Variants in BTBD9 observed in about 807,000 individuals in gnomAD.
BTBD9 encodes BTB/POZ domain-containing protein 9.
In BTBD9, 49 loss-of-function variants were observed where a neutral mutation model predicts 64.3. The observed-to-expected ratio is 0.76, with a 90% CI of 0.61 to 0.97. BTBD9 has a LOEUF of 0.97. Among genes scored for constraint, BTBD9 ranks in the 50% least tolerant of loss-of-function variants. BTBD9 has a pLI of 0.00. For synonymous variants in BTBD9, 260 were observed against 274.7 expected (o/e 0.95, Z 0.53); for missense variants, 598 against 762.1 (o/e 0.78, Z 2.53).
intron 7 of BTBD9, among the ~76,000 whole-genome samples, chr6:38,290,311 C>T (rs186379705): frequency 3.1e-4 from 47 of 151,128 alleles, no homozygotes; most frequent in African/African-American, 1.1e-3. Flanking sequence ...GAGAGAAGCT[C>T]CCTGTGACTT....
intron 6 of BTBD9, among the ~76,000 whole-genome samples, chr6:38,538,996 G>C (rs1774149347): frequency 6.6e-6 from 1 of 151,926 alleles, no homozygotes; most frequent in South Asian, 2.1e-4. Context: ...TTTGAGACAG[G>C]GTCTTGCCCA....
chr6:38,425,220 C>T (rs1226172346), intron 6 of BTBD9, among the ~76,000 whole-genome samples: 1 of 151,588 alleles, frequency 6.6e-6, no homozygotes, highest in Non-Finnish European at 1.5e-5. Context: ...ATTCTCCTGC[C>T]TCAGCCTCCT....
At chr6:38,491,713 C>T (rs1771710177) in intron 6 of BTBD9, among the ~76,000 whole-genome samples, 1 of 151,970 alleles carries the variant, frequency 6.6e-6, no homozygotes. Flanking sequence ...ATCTCATTCT[C>T]AAATGAGAAG....
At chr6:38,586,929 G>T (rs9369069) in intron 4 of BTBD9, among the ~76,000 whole-genome samples, 9,084 of 151,992 alleles carry the variant, frequency 0.06, 640 homozygotes, top group East Asian at 0.23. Context: ...CAGGCGTGGT[G>T]GTGGGCACCT....
intron 6 of BTBD9, among the ~76,000 whole-genome samples, chr6:38,506,732 C>T (rs553586404): frequency 6.6e-6 from 1 of 152,294 alleles, no homozygotes; most frequent in African/African-American, 2.4e-5. Flanking sequence ...TGACCCACCT[C>T]CATTTATAAT....
At chr6:38,332,692 A>G (rs540405093) in intron 7 of BTBD9, among the ~76,000 whole-genome samples, 2 of 152,318 alleles carry the variant, frequency 1.3e-5, no homozygotes, top group East Asian at 3.9e-4. Flanking sequence ...ACTGAGCAAA[A>G]TATTAAAAAA....
intron 7 of BTBD9, among the ~76,000 whole-genome samples, chr6:38,307,208 G>A (rs1762658278): frequency 6.6e-6 from 1 of 151,954 alleles, no homozygotes; most frequent in Admixed American, 6.6e-5. Flanking sequence ...TATTCAAGAG[G>A]AAAAAATATC....
chr6:38,363,574 G>C (rs541001157), intron 6 of BTBD9, among the ~76,000 whole-genome samples: 1 of 152,282 alleles, frequency 6.6e-6, no homozygotes, highest in Non-Finnish European at 1.5e-5. Context: ...CAAAGACCCT[G>C]TCTCAAGAAA....
intron 8 of BTBD9, 42 bp downstream of exon 8, chr6:38,288,230 T>C: frequency 6.4e-7 from 1 of 1,558,856 alleles, no homozygotes. Flanking sequence ...TATATGTGTA[T>C]CTTCCATTTT....
At chr6:38,632,530 G>A (rs925387093) in intron 1 of BTBD9, among the ~76,000 whole-genome samples, 4 of 152,134 alleles carry the variant, frequency 2.6e-5, no homozygotes, top group Non-Finnish European at 4.4e-5. Flanking sequence ...AAGTTTTAAG[G>A]GATTTTTTAA....
At chr6:38,476,051 T>C (rs1300422323) in intron 6 of BTBD9, among the ~76,000 whole-genome samples, 4 of 152,200 alleles carry the variant, frequency 2.6e-5, no homozygotes, top group East Asian at 1.9e-4. Context: ...GAATGTCCAT[T>C]TGGCAGGCTG....
intron 2 of BTBD9, among the ~76,000 whole-genome samples, chr6:38,596,796 G>A (rs1404172489): frequency 9.6e-4 from 125 of 129,868 alleles, no homozygotes; most frequent in African/African-American, 3.6e-3. Flanking sequence ...GTGAGACTCC[G>A]TCTCAAAAAA....
chr6:38,454,469 T>C (rs1232557166), intron 6 of BTBD9, among the ~76,000 whole-genome samples: 1 of 143,798 alleles, frequency 7.0e-6, no homozygotes, highest in Non-Finnish European at 1.5e-5. Flanking sequence ...TTAATTATCT[T>C]AAATATAGGG....
At chr6:38,204,764 A>T (rs1405748775) in intron 9 of BTBD9, among the ~76,000 whole-genome samples, 1 of 152,188 alleles carries the variant, frequency 6.6e-6, no homozygotes. Context: ...ATGAAAGATG[A>T]CCAACAGCAA....
chr6:38,207,668 T>C (rs1207236249), intron 9 of BTBD9, among the ~76,000 whole-genome samples: 1 of 151,316 alleles, frequency 6.6e-6, no homozygotes, highest in South Asian at 2.1e-4. Context: ...AAAATTACAC[T>C]GAGACCTTGA....
At chr6:38,442,016 T>C (rs1054838282) in intron 6 of BTBD9, among the ~76,000 whole-genome samples, 2 of 152,196 alleles carry the variant, frequency 1.3e-5, no homozygotes, top group African/African-American at 2.4e-5. Flanking sequence ...TAAAAGTTCC[T>C]ATTTTAAGGG....
intron 1 of BTBD9, among the ~76,000 whole-genome samples, chr6:38,619,056 G>A (rs1777896090): frequency 6.6e-6 from 1 of 152,164 alleles, no homozygotes; most frequent in African/African-American, 2.4e-5. Context: ...ATTCAATGAT[G>A]TCCACCATAA....
At chr6:38,537,104 C>T (rs970852304) in intron 6 of BTBD9, among the ~76,000 whole-genome samples, 2 of 152,084 alleles carry the variant, frequency 1.3e-5, no homozygotes, top group Admixed American at 1.3e-4. Flanking sequence ...TAAACATCTA[C>T]TATGACCCAC....
chr6:38,539,949 T>C (rs980258121), intron 6 of BTBD9, among the ~76,000 whole-genome samples: 11 of 152,284 alleles, frequency 7.2e-5, no homozygotes, highest in African/African-American at 2.4e-4. Flanking sequence ...TTTTAGGTGG[T>C]TGGATTACCG....
Sources: gnomAD v4.1 joint callset for allele counts (sites outside exome capture counted in the v4.1 genomes callset) on GRCh38, gnomAD v4.1.1 for gene constraint, MANE v1.5 for transcripts, NCBI Gene and HGNC (gene_info 2026-07-23, HGNC 2026-07-21) for gene names.